The following GSG1L variants were observed in gnomAD, a reference collection of about 807,000 sequenced individuals.
GSG1L encodes the protein germ cell-specific gene 1-like protein.
GSG1L carries 24 observed loss-of-function variants against 42.1 expected under a neutral mutation model. The ratio of observed to expected loss-of-function variants is 0.57; its 90% confidence interval spans 0.41 to 0.80. The LOEUF is 0.80. GSG1L is among the 30% of genes least tolerant of loss of function. The pLI is 0.00. For missense variants in GSG1L, 445 were observed against 472.2 expected (o/e 0.94, Z 0.53); for synonymous variants, 215 against 203.5 (o/e 1.06, Z -0.48).
At chr16:27,802,037 G>T (rs897449638) in intron 6 of GSG1L, among the ~76,000 whole-genome samples, 19 of 152,030 alleles carry the variant, frequency 1.2e-4, no homozygotes, top group Middle Eastern at 3.2e-3. Context: ...TATCACCCTG[G>T]CTAAGTCCCC....
At chr16:27,829,064 T>C in intron 4 of GSG1L, 108 bp from the exon 5 acceptor site, 1 of 1,072,896 alleles carries the variant, frequency 9.3e-7, no homozygotes, top group Non-Finnish European at 1.3e-6. Context: ...CCTTTTCCTC[T>C]GGTACTTAAG....
intron 2 of GSG1L, among the ~76,000 whole-genome samples, chr16:27,886,507 G>A (rs535200939): frequency 4.6e-5 from 7 of 152,306 alleles, no homozygotes; most frequent in Non-Finnish European, 4.4e-5. Flanking sequence ...GTGAGGATTC[G>A]GTTGCACAGC....
At chr16:27,976,941 C>T (rs529307016) in intron 1 of GSG1L, among the ~76,000 whole-genome samples, 1 of 152,288 alleles carries the variant, frequency 6.6e-6, no homozygotes, top group South Asian at 2.1e-4. Context: ...TATCACTCAT[C>T]GTATTGTCAC....
At chr16:27,946,575 AAGAAAGAGAGAGAGAGAGAGAG>A (rs1439116701) in intron 2 of GSG1L, among the ~76,000 whole-genome samples, 847 of 24,860 alleles carry the variant, frequency 0.034, 18 homozygotes, top group Admixed American at 0.044. Context: ...GAAAGAAAGA[AAGAAAGAGAGAGAGAGAGAGAG>A]AGAGAGAGAG....
intron 2 of GSG1L, among the ~76,000 whole-genome samples, chr16:27,942,147 C>CTTTTT (rs34617355): frequency 1.2e-4 from 14 of 115,976 alleles, no homozygotes; most frequent in South Asian, 5.8e-4. Flanking sequence ...AAAACTTCTT[C>CTTTTT]TTTTTTTTTT....
At chr16:27,874,254 C>T (rs528585192) in intron 3 of GSG1L, among the ~76,000 whole-genome samples, 46 of 151,950 alleles carry the variant, frequency 3.0e-4, no homozygotes, top group South Asian at 8.3e-4. Context: ...ATGGGGGCTG[C>T]GGGAGGGTCA....
Position 27,874,597 on chromosome 16 carries a change from G to T in GSG1L, c.550+9889C>A, listed in dbSNP as rs186433353. ...TACCAAGTATCTGGGATATAGGTGTGTGCCACCATGCCCAGCTAACAGGCA... is the reference window on the plus strand; with the variant it reads ...TACCAAGTATCTGGGATATAGGTGTTTGCCACCATGCCCAGCTAACAGGCA... On this transcript the variant is annotated intron_variant, in intron 3 of 6. Transcript: ENST00000447459. Among the ~76,000 whole-genome samples the T allele has an allele frequency of 5.7e-4, 86 of 151,962 alleles. 1 individual carries two copies. The East Asian group carries it at 0.014, about 25-fold the overall frequency.
chr16:27,965,354 T>G (rs1182807491), intron 1 of GSG1L, among the ~76,000 whole-genome samples: 2 of 152,142 alleles, frequency 1.3e-5, no homozygotes, highest in East Asian at 3.8e-4. Context: ...TTAATTAAAT[T>G]TTTAAGTAAT....
intron 2 of GSG1L, among the ~76,000 whole-genome samples, chr16:27,947,660 T>A (rs1444900378): frequency 6.6e-6 from 1 of 152,096 alleles, no homozygotes; most frequent in Admixed American, 6.5e-5. Context: ...ATGAAAGGGA[T>A]GAGTATACTC....
At chr16:27,999,863 A>G (rs1192858174) in intron 1 of GSG1L, among the ~76,000 whole-genome samples, 1 of 152,218 alleles carries the variant, frequency 6.6e-6, no homozygotes, top group African/African-American at 2.4e-5. Context: ...GACACACAGT[A>G]TATTTGTCCA....
At chr16:28,007,476 G>GTGGTTGGT (rs772976295) in intron 1 of GSG1L, among the ~76,000 whole-genome samples, 12 of 119,500 alleles carry the variant, frequency 1.0e-4, no homozygotes, top group East Asian at 2.1e-4. Flanking sequence ...GCATGTGTGT[G>GTGGTTGGT]TGGTTGGTTG....
intron 1 of GSG1L, among the ~76,000 whole-genome samples, chr16:28,034,585 T>C (rs2086011510): frequency 6.6e-6 from 1 of 152,184 alleles, no homozygotes; most frequent in African/African-American, 2.4e-5. Flanking sequence ...GAGGTCTGCA[T>C]CCTTTGTTGG....
At chr16:27,825,744 G>A (rs1418639036) in intron 5 of GSG1L, among the ~76,000 whole-genome samples, 1 of 134,362 alleles carries the variant, frequency 7.4e-6, no homozygotes, top group African/African-American at 3.0e-5. Flanking sequence ...TTGAATCATG[G>A]GGACAGTACC....
Position 28,056,580 on chromosome 16 carries a change from G to C in GSG1L, c.349+6496C>G, listed in dbSNP as rs568792620. 2.0e-5 allele frequency among the ~76,000 whole-genome samples: 3 copies of C among 151,772 alleles called. No individual in the cohort carries two copies. In the South Asian group the frequency reaches 6.3e-4, roughly 32 times the overall value. On this transcript the variant is annotated intron_variant, in intron 1 of 6. Transcript: ENST00000447459. ...ACATGTATACATATGTAACAAACCT[G>C]CACATTGTGCACATGTACCCTAGAA...
chr16:27,839,108 C>G (rs2083350799), intron 4 of GSG1L, among the ~76,000 whole-genome samples: 1 of 152,178 alleles, frequency 6.6e-6, no homozygotes, highest in South Asian at 2.1e-4. Context: ...GCCTGGGGTC[C>G]CCAGAGAGGA....
At chr16:27,953,763 C>T (rs1382080932) in intron 2 of GSG1L, among the ~76,000 whole-genome samples, 3 of 152,058 alleles carry the variant, frequency 2.0e-5, no homozygotes, top group Non-Finnish European at 4.4e-5. Context: ...CCTGTAATGC[C>T]AGCTGCTCGG....
At chr16:27,906,890 C>T (rs1447397013) in intron 2 of GSG1L, among the ~76,000 whole-genome samples, 2 of 152,158 alleles carry the variant, frequency 1.3e-5, no homozygotes, top group African/African-American at 4.8e-5. Context: ...TATGGACACC[C>T]TGTCTCACCA....
intron 2 of GSG1L, among the ~76,000 whole-genome samples, chr16:27,919,728 C>T (rs1360184806): frequency 6.6e-6 from 1 of 152,108 alleles, no homozygotes. Flanking sequence ...GACATGGGTG[C>T]CCAATGGAGA....
intron 1 of GSG1L, among the ~76,000 whole-genome samples, chr16:28,028,105 C>A (rs988024396): frequency 6.6e-6 from 1 of 152,178 alleles, no homozygotes; most frequent in Non-Finnish European, 1.5e-5. Context: ...AAGCCTATCA[C>A]AAGCCCAAGA....
Sources: gnomAD v4.1 joint callset for allele counts (sites outside exome capture counted in the v4.1 genomes callset) on GRCh38, gnomAD v4.1.1 for gene constraint, MANE v1.5 for transcripts, NCBI Gene and HGNC (gene_info 2026-07-23, HGNC 2026-07-21) for gene names.